The following TCF20 variants were observed in gnomAD, a reference collection of about 807,000 sequenced individuals.
The protein encoded by TCF20 is SPRE-binding protein.
In TCF20, 3 loss-of-function variants were observed where a neutral mutation model predicts 148.6. The observed-to-expected ratio is 0.02, with a 90% confidence interval of 0.01 to 0.05. The LOEUF (loss-of-function observed/expected upper bound fraction) is 0.05. Among genes scored for constraint, TCF20 ranks in the 10% least tolerant of loss-of-function variants. The probability of loss-of-function intolerance (pLI) is 1.00; values close to 1 mark genes in which losing one functional copy is unlikely to be tolerated. For synonymous variants in TCF20, 1,049 were observed against 909.5 expected (o/e 1.15, Z -2.76); for missense variants, 2,350 against 2,429.3 (o/e 0.97, Z 0.69).
Position 42,210,639 on chromosome 22 carries a change from GGCT to G in TCF20, c.4664_4666del (p.Gln1555del). On this transcript the variant is annotated inframe_deletion, in exon 2 of 6. Transcript: ENST00000677622. This position sits in a 1 kb window ranked among gnomAD's most constrained non-coding sequence, Gnocchi z 4.7. ...TGGGGGCTGAGGGGGTGGAGGCGGT[GGCT>G]GCTGCTGTTTCTTTTGCTTATTCAC... The G allele has an allele frequency of 6.2e-7, 1 of 1,614,116 alleles. No individual in the cohort carries two copies. The highest frequency in any genetic ancestry group is 1.3e-5 in the African/African-American group (1 of 75,014).
chr22:42,171,841 G>A (rs528607831), intron 3 of TCF20, among the ~76,000 whole-genome samples: 5 of 152,272 alleles, frequency 3.3e-5, no homozygotes, highest in Admixed American at 6.5e-5. Context: ...CCACGCTTAC[G>A]CCACAGGGGT....
chr22:42,215,364 C>T (rs1921652617), intron 1 of TCF20, 23 bp from the exon 2 acceptor site: 2 of 1,540,948 alleles, frequency 1.3e-6, no homozygotes, highest in East Asian at 4.5e-5. Flanking sequence ...GAAAGAAAAA[C>T]ATTAGACACG....
intron 5 of TCF20, among the ~76,000 whole-genome samples, chr22:42,167,281 T>C (rs894153446): frequency 1.3e-5 from 2 of 152,162 alleles, no homozygotes; most frequent in Non-Finnish European, 2.9e-5. Flanking sequence ...TCAAATGGCG[T>C]GGCAGCCGAG....
chr22:42,265,417 T>C (rs1377142266), intron 1 of TCF20, among the ~76,000 whole-genome samples: 1 of 152,156 alleles, frequency 6.6e-6, no homozygotes, highest in East Asian at 1.9e-4. Context: ...CAAATGATCC[T>C]CACACCTCAG....
rs773684948 is a variant in TCF20, at chr22:42,212,065, A to T, written c.3241T>A (p.Ser1081Thr). The T allele has an allele frequency of 6.2e-7, 1 of 1,614,106 alleles. No homozygotes were observed. Among genetic ancestry groups the T allele is most frequent in the South Asian group, 1.1e-5 (1 of 91,076 alleles). Residue 1081 changes from serine (S) to threonine (T), a missense_variant, in exon 2 of 6, where the codon TCT (serine) becomes ACT (threonine). Transcript: ENST00000677622. ...AYGDPNAGLN[S>T]QLHYKRQMYQ... ...ATCTGTCTCTTATAATGCAGCTGAG[A>T]ATTCAAACCTGCGTTAGGGTCCCCA...
intron 2 of TCF20, among the ~76,000 whole-genome samples, chr22:42,195,743 G>A (rs888717459): frequency 6.6e-6 from 1 of 151,890 alleles, no homozygotes; most frequent in Non-Finnish European, 1.5e-5. Context: ...CAGGTGGTCC[G>A]CCTGCCTCGG....
At chr22:42,240,109 G>C (rs985515265) in intron 1 of TCF20, among the ~76,000 whole-genome samples, 10 of 152,236 alleles carry the variant, frequency 6.6e-5, no homozygotes, top group Middle Eastern at 6.8e-3. Context: ...CTTTAGTTAT[G>C]AACTAATTTA....
chr22:42,168,149 A>C (rs970296431), intron 5 of TCF20, among the ~76,000 whole-genome samples: 2 of 152,246 alleles, frequency 1.3e-5, no homozygotes, highest in African/African-American at 4.8e-5. Context: ...AAAGATTTCT[A>C]ATAACAAAAC....
At chr22:42,272,297 G>T (rs560063493), upstream of TCF20, among the ~76,000 whole-genome samples, 1 of 152,334 alleles carries the variant, frequency 6.6e-6, no homozygotes, top group East Asian at 1.9e-4. Context: ...AGCTGGAAGA[G>T]GCACTCAGCA....
intron 1 of TCF20, among the ~76,000 whole-genome samples, chr22:42,221,457 T>TA (rs1445553459): frequency 5.3e-5 from 8 of 152,212 alleles, no homozygotes; most frequent in Non-Finnish European, 1.5e-5. Flanking sequence ...CCCTGACTGA[T>TA]AAGAGTTCTT....
rs916874938 is a variant in TCF20 at position 42,245,015 on chromosome 22, G to A, written c.-37+25324C>T. Among the ~76,000 whole-genome samples, 20 of 152,150 alleles carry A rather than the reference G, an allele frequency of 1.3e-4. No homozygotes were observed. The East Asian group carries it at 2.1e-3, about 16-fold the overall frequency. On this transcript the variant is annotated intron_variant, in intron 1 of 5. Transcript: ENST00000677622. Reference sequence around the variant, plus strand: ...CAAGATTTGCTTCAGCCTGGGAGGCGGAGATTGCAGTGAGCCGTGATCATG... The same window carrying A: ...CAAGATTTGCTTCAGCCTGGGAGGCAGAGATTGCAGTGAGCCGTGATCATG...
intron 1 of TCF20, among the ~76,000 whole-genome samples, chr22:42,307,504 A>G (rs1927456831): frequency 6.6e-6 from 1 of 152,226 alleles, no homozygotes; most frequent in South Asian, 2.1e-4. Context: ...ATGTAAATTC[A>G]GACTAAGGTG....
At chr22:42,343,192 C>G (rs1279807246) in intron 1 of TCF20, among the ~76,000 whole-genome samples, 1 of 152,068 alleles carries the variant, frequency 6.6e-6, no homozygotes, top group Non-Finnish European at 1.5e-5. Flanking sequence ...ACTTGCTAGC[C>G]GGGGACCTTG....
At chr22:42,280,286 G>A (rs1419170898) in intron 1 of TCF20, among the ~76,000 whole-genome samples, 2 of 152,178 alleles carry the variant, frequency 1.3e-5, no homozygotes, top group African/African-American at 2.4e-5. Context: ...CCAGGATGGT[G>A]GTCACAACTC....
At chr22:42,180,609 A>C (rs780233968) in intron 2 of TCF20, among the ~76,000 whole-genome samples, 2 of 152,200 alleles carry the variant, frequency 1.3e-5, no homozygotes, top group Non-Finnish European at 2.9e-5. Flanking sequence ...CTTCTATGAA[A>C]AATAAAAGTG....
intron 1 of TCF20, among the ~76,000 whole-genome samples, chr22:42,341,626 AGCCCTGTAAGGGACCCTTCC>A (rs1928170259): frequency 6.6e-6 from 1 of 152,140 alleles, no homozygotes; most frequent in Non-Finnish European, 1.5e-5. Flanking sequence ...GGATTCCGAG[AGCCCTGTAAGGGACCCTTCC>A]GCTTCTGCCA....
upstream of TCF20, among the ~76,000 whole-genome samples, chr22:42,285,008 C>G (rs1018168515): frequency 4.6e-5 from 7 of 152,246 alleles, no homozygotes; most frequent in African/African-American, 1.4e-4. This position sits in a 1 kb window ranked among gnomAD's most constrained non-coding sequence, Gnocchi z 4.2. Flanking sequence ...CCATCCTTGG[C>G]CTGGTGGGGA....
intron 1 of TCF20, among the ~76,000 whole-genome samples, chr22:42,222,717 T>A (rs1481033138): frequency 6.6e-6 from 1 of 152,160 alleles, no homozygotes; most frequent in African/African-American, 2.4e-5. Context: ...TCTTAAGAGC[T>A]CCTAAAATGT....
intron 2 of TCF20, among the ~76,000 whole-genome samples, chr22:42,181,598 C>CTTTT (rs34232368): frequency 8.4e-4 from 114 of 136,512 alleles, no homozygotes; most frequent in African/African-American, 3.0e-3. Flanking sequence ...TCCCCCCAAC[C>CTTTT]TTTTTTTTTT....
Sources: gnomAD v4.1 joint callset for allele counts (sites outside exome capture counted in the v4.1 genomes callset) on GRCh38, gnomAD v4.1.1 for gene constraint, Gnocchi (gnomAD v3.1) non-coding constraint, MANE v1.5 for transcripts, NCBI Gene and HGNC (gene_info 2026-07-23, HGNC 2026-07-21) for gene names.